Variants in TMEM201 observed in about 807,000 individuals in gnomAD.
TMEM201 encodes RP13-15M17.2.
In TMEM201, 26 loss-of-function variants were observed where a neutral mutation model predicts 63.4. That is an observed-to-expected ratio of 0.41 (90% CI 0.30 to 0.57). The LOEUF (loss-of-function observed/expected upper bound fraction) is 0.57. TMEM201 is among the 20% of genes least tolerant of loss of function. The probability of loss-of-function intolerance (pLI) is 0.29; values close to 1 mark genes in which losing one functional copy is unlikely to be tolerated. For missense variants in TMEM201, 794 were observed against 917.7 expected (o/e 0.87, Z 1.74); for synonymous variants, 417 against 421.6 (o/e 0.99, Z 0.14).
rs2100515162 is a variant in TMEM201 at position 9,607,498 on chromosome 1, C to T, written c.1161-59C>T. On this transcript the variant is annotated intron_variant, in intron 6 of 10. Coordinates refer to ENST00000340381, the MANE Select transcript of TMEM201 (RefSeq NM_001130924.3). This position sits in a 1 kb window ranked among gnomAD's most constrained non-coding sequence, Gnocchi z 5.4. ...GAGAGGGGTGGGACCCACTGCAAGGCTGCCTCCAGGACCTCCCGCTGACCC... is the reference window on the plus strand; with the variant it reads ...GAGAGGGGTGGGACCCACTGCAAGGTTGCCTCCAGGACCTCCCGCTGACCC... The T allele has an allele frequency of 7.2e-7, 1 of 1,386,412 alleles. No homozygotes were observed. Among genetic ancestry groups the T allele is most frequent in the Non-Finnish European group, 9.8e-7 (1 of 1,019,094 alleles). 85.9% of individuals were successfully genotyped at this position (1,386,412 alleles called of 1,614,324 possible).
Position 9,608,568 on chromosome 1 carries a change from G to A in TMEM201, c.1393+779G>A, listed in dbSNP as rs1644279145. 1.3e-5 allele frequency among the ~76,000 whole-genome samples: 2 copies of A among 152,230 alleles called. No individual in the cohort carries two copies. The highest frequency in any genetic ancestry group is 4.1e-4 in the South Asian group (2 of 4,838). On this transcript the variant is annotated intron_variant, in intron 7 of 10. Transcript: ENST00000340381. The surrounding 1 kb of genome is among the most constrained non-coding windows in gnomAD (Gnocchi z 4.3). ...CCCTATTTTCAGGGCACCCCAGCCTGGTGGCACTTGAATGGAACTTGGGGT... is the reference window on the plus strand; with the variant it reads ...CCCTATTTTCAGGGCACCCCAGCCTAGTGGCACTTGAATGGAACTTGGGGT...
In TMEM201 at chr1:9,608,209, C is replaced by G. The variant is rs1437307672; in HGVS notation, c.1393+420C>G. On this transcript the variant is annotated intron_variant, in intron 7 of 10. Transcript: ENST00000340381. The surrounding 1 kb of genome is among the most constrained non-coding windows in gnomAD (Gnocchi z 4.3). Reference sequence around the variant, plus strand: ...GCTATGATCACGCCACTGCATTCCACCATGGGCAACAGAGCAAGACCCTGT... The same window carrying G: ...GCTATGATCACGCCACTGCATTCCAGCATGGGCAACAGAGCAAGACCCTGT... 6.6e-6 allele frequency among the ~76,000 whole-genome samples: 1 copy of G among 152,072 alleles called. No individual in the cohort carries two copies. Among genetic ancestry groups the G allele is most frequent in the East Asian group, 1.9e-4 (1 of 5,190 alleles).
chr1:9,605,952 C>G lies in TMEM201; in HGVS notation c.1161-1605C>G, dbSNP rs2100509802. Reference sequence around the variant, plus strand: ...CACTGGGGGACCTGGTCACCCTTGGCTGACTCTTGGCTATGTCTGTGCTGC... The same window carrying G: ...CACTGGGGGACCTGGTCACCCTTGGGTGACTCTTGGCTATGTCTGTGCTGC... On this transcript the variant is annotated intron_variant, in intron 6 of 10. Transcript: ENST00000340381. The surrounding 1 kb of genome is among the most constrained non-coding windows in gnomAD (Gnocchi z 5.7). Among the ~76,000 whole-genome samples, 1 of 152,326 alleles carries G rather than the reference C, an allele frequency of 6.6e-6. No homozygotes were observed. The highest frequency in any genetic ancestry group is 1.9e-4 in the East Asian group (1 of 5,176).
At chr1:9,593,431 T>G (rs1201980610) in intron 1 of TMEM201, among the ~76,000 whole-genome samples, 1 of 152,008 alleles carries the variant, frequency 6.6e-6, no homozygotes. Context: ...CCAAAGTGGG[T>G]GGCAGCTGCT....
At chr1:9,594,652 C>T (rs1039258806) in intron 1 of TMEM201, among the ~76,000 whole-genome samples, 2 of 152,182 alleles carry the variant, frequency 1.3e-5, no homozygotes, top group Non-Finnish European at 2.9e-5. Flanking sequence ...GTGTCAGAAG[C>T]GGGAGCCCTG....
In TMEM201 at chr1:9,602,653, A is replaced by G. The variant is rs962799353; in HGVS notation, c.1160+381A>G. 8.7e-6 allele frequency: 10 copies of G among 1,153,244 alleles called. No individual in the cohort carries two copies. In the South Asian group the frequency reaches 2.1e-4, roughly 24 times the overall value. 71.4% of individuals were successfully genotyped at this position (1,153,244 alleles called of 1,614,324 possible). A position where few individuals can be genotyped will look rare whatever the true frequency, so the allele number is the denominator to read the frequency against. The stretch of plus-strand genomic sequence containing the variant: ...CTCACCACGCCGTTTGCTGGCTCTG[A>G]CACTGTTGGGTGAGGGTCCTGGTCC... On this transcript the variant is annotated intron_variant, in intron 6 of 10. Coordinates refer to ENST00000340381, the MANE Select transcript of TMEM201 (RefSeq NM_001130924.3).
At chr1:9,609,754 G>C in intron 7 of TMEM201, 86 bp from the exon 8 acceptor site, 1 of 1,312,530 alleles carries the variant, frequency 7.6e-7, no homozygotes, top group Middle Eastern at 1.8e-4. Context: ...AGCAAAGGCT[G>C]GATTGGGATT....
chr1:9,595,820 G>T, intron 1 of TMEM201, 70 bp from the exon 2 acceptor site: 1 of 1,601,558 alleles, frequency 6.2e-7, no homozygotes, highest in East Asian at 2.2e-5. Context: ...CCCTGGGGCA[G>T]GGCATGGAGG....
intron 6 of TMEM201, chr1:9,606,594 C>T (rs2100512225): frequency 6.6e-6 from 1 of 152,404 alleles, no homozygotes; most frequent in South Asian, 2.1e-4. Flanking sequence ...CCTGCCCGCT[C>T]ACCAGCACGT....
At chr1:9,596,112 T>C (rs1283832329) in intron 2 of TMEM201, 102 bp downstream of exon 2, 1 of 1,443,402 alleles carries the variant, frequency 6.9e-7, no homozygotes, top group Non-Finnish European at 9.4e-7. Flanking sequence ...CCGGGGCTCA[T>C]GGACCCCACA....
At position 9,603,017 on chromosome 1, in the gene TMEM201, G is replaced by A; in HGVS notation, c.1160+745G>A. The A allele has an allele frequency of 1.0e-6, 1 of 985,600 alleles. No individual in the cohort carries two copies. Among genetic ancestry groups the A allele is most frequent in the Non-Finnish European group, 1.2e-6 (1 of 830,044 alleles). 61.1% of individuals were successfully genotyped at this position (985,600 alleles called of 1,614,324 possible). On this transcript the variant is annotated intron_variant, in intron 6 of 10. Coordinates refer to ENST00000340381, the MANE Select transcript of TMEM201 (RefSeq NM_001130924.3). This position sits in a 1 kb window ranked among gnomAD's most constrained non-coding sequence, Gnocchi z 4.5. Reference sequence around the variant, plus strand: ...GGGGAGCGAGACCCCACCTGAGACAGGCAGTAGGAGCCTGTGCTGACCTTG... The same window carrying A: ...GGGGAGCGAGACCCCACCTGAGACAAGCAGTAGGAGCCTGTGCTGACCTTG...
chr1:9,599,090 G>A (rs1181809930), intron 4 of TMEM201, among the ~76,000 whole-genome samples: 1 of 148,588 alleles, frequency 6.7e-6, no homozygotes, highest in African/African-American at 2.5e-5. Flanking sequence ...ACAGGCACCC[G>A]CCATCATGCC....
chr1:9,596,780 G>C (rs904780529), intron 2 of TMEM201, 79 bp from the exon 3 acceptor site: 2 of 1,430,230 alleles, frequency 1.4e-6, no homozygotes, highest in Non-Finnish European at 1.9e-6. Flanking sequence ...CCTGGAGCGG[G>C]GCGGGCCCCC....
At chr1:9,599,308 C>T (rs1008967899) in intron 4 of TMEM201, among the ~76,000 whole-genome samples, 4 of 151,768 alleles carry the variant, frequency 2.6e-5, no homozygotes, top group Non-Finnish European at 4.4e-5. Flanking sequence ...AGTGAAGTGG[C>T]GCGATCTCGG....
At chr1:9,591,224 C>T (rs1297246340) in intron 1 of TMEM201, among the ~76,000 whole-genome samples, 1 of 152,222 alleles carries the variant, frequency 6.6e-6, no homozygotes, top group Non-Finnish European at 1.5e-5. Context: ...ACTGTCTCCT[C>T]ATGAAACTGC....
chr1:9,610,704 G>A lies in TMEM201; in HGVS notation c.1664G>A (p.Ser555Asn). ...CCTGGAGAGGCCCCCACCACGCCCA[G>A]CAGCTCCGATGAGCACTCGCCTCAC... Reference protein sequence around the residue: ...SPPGEAPTTPSSSDEHSPHNG... With the variant: ...SPPGEAPTTPNSSDEHSPHNG... Residue 555 changes from serine to asparagine, a missense_variant, in exon 9 of 11, where the codon AGC becomes AAC. By Grantham distance (46) the Ser-to-Asn change is conservative. Transcript: ENST00000340381. This position sits in a 1 kb window ranked among gnomAD's most constrained non-coding sequence, Gnocchi z 4.9. The A allele has an allele frequency of 6.4e-7, 1 of 1,550,554 alleles. No individual in the cohort carries two copies. The highest frequency in any genetic ancestry group is 8.7e-7 in the Non-Finnish European group (1 of 1,146,906).
rs924177836 is a variant in TMEM201 at position 9,610,835 on chromosome 1, G to A, written c.1765+30G>A. On this transcript the variant is annotated intron_variant, in intron 9 of 10. Transcript: ENST00000340381. The surrounding 1 kb of genome is among the most constrained non-coding windows in gnomAD (Gnocchi z 4.9). ...GGCCTTCTGACCACCCCAAGGGGCC[G>A]TGGGAGGGCCTCTGCTGCCAAGAGG... 5.3e-5 allele frequency: 80 copies of A among 1,511,270 alleles called. No homozygotes were observed. Among genetic ancestry groups the A allele is most frequent in the East Asian group, 1.2e-4 (5 of 40,388 alleles). The allele number at this position is 1,511,270 out of a possible 1,614,324, so 93.6% of individuals were successfully genotyped here.
chr1:9,589,417 T>A (rs965278973), intron 1 of TMEM201, among the ~76,000 whole-genome samples: 2 of 152,178 alleles, frequency 1.3e-5, no homozygotes, highest in African/African-American at 4.8e-5. Context: ...CTGCTCGGCA[T>A]GTGACGTCCC....
intron 9 of TMEM201, chr1:9,611,163 T>A: frequency 2.4e-6 from 2 of 829,982 alleles, no homozygotes; most frequent in Non-Finnish European, 3.4e-6. Flanking sequence ...CTTTAAAACC[T>A]ACAACTTTCA....
Sources: allele counts gnomAD v4.1 joint callset (sites outside exome capture counted in the v4.1 genomes callset), GRCh38; gene constraint gnomAD v4.1.1; non-coding constraint Gnocchi (gnomAD v3.1); transcripts MANE v1.5; gene names NCBI Gene and HGNC (gene_info 2026-07-23, HGNC 2026-07-21).